Variants in CKM observed in about 807,000 individuals in gnomAD.
The protein encoded by CKM is creatine kinase, M-type, also known as creatine kinase M-type.
In CKM, 28 loss-of-function variants were observed where a neutral mutation model predicts 35.4. The ratio of observed to expected loss-of-function variants is 0.79; its 90% confidence interval spans 0.59 to 1.08. The LOEUF (loss-of-function observed/expected upper bound fraction) is 1.08. CKM is among the 50% of genes least tolerant of loss of function. The pLI, the probability that CKM is intolerant of heterozygous loss-of-function variation, is 0.00. For synonymous variants in CKM, 215 were observed against 204.4 expected, an observed-to-expected ratio of 1.05 and a Z score of -0.44; for missense variants, 484 against 509.8, an observed-to-expected ratio of 0.95 and a Z score of 0.49.
intron 4 of CKM, among the ~76,000 whole-genome samples, chr19:45,312,763 G>A (rs1273730622): frequency 1.3e-5 from 2 of 151,952 alleles, no homozygotes; most frequent in African/African-American, 4.8e-5. Context: ...AGACCAGCCT[G>A]GCCAACATGG....
chr19:45,318,996 A>AAGCCCTCATCACC (rs1170399441), intron 2 of CKM, among the ~76,000 whole-genome samples: 3 of 151,888 alleles, frequency 2.0e-5, no homozygotes, highest in African/African-American at 7.3e-5. Flanking sequence ...CTTGGACCAC[A>AAGCCCTCATCACC]AGCCCTCATC....
Position 45,319,680 on chromosome 19 carries a change from G to T in CKM, c.34C>A (p.Leu12Met), listed in dbSNP as rs373928921. ...PFGNTHNKFK[L>M]NYKPEEEYPD... ...TACTCCTCCTCAGGCTTGTAATTCA[G>T]CTTGAACTTGTTGTGGGTGTTACCG... The change falls in exon 2 of 8, where the codon CTG (leucine) becomes ATG (methionine). Residue 12 changes from leucine (L) to methionine (M), a missense_variant. Transcript: ENST00000221476. 1.2e-6 allele frequency: 2 copies of T among 1,614,220 alleles called. No individual in the cohort carries two copies. The highest frequency in any genetic ancestry group is 2.2e-5 in the East Asian group (1 of 44,890).
chr19:45,314,844 T>C (rs1422850888), intron 4 of CKM, among the ~76,000 whole-genome samples: 1 of 152,136 alleles, frequency 6.6e-6, no homozygotes, highest in Non-Finnish European at 1.5e-5. Flanking sequence ...CCTGAGTAGC[T>C]GGGATGACAG....
In CKM at chr19:45,307,454, G is replaced by A. The variant is rs1025271164; in HGVS notation, c.967+7C>T. ...CCGTCGTGGTGCAAAGGATGTGGGAGCCGTACCTGTACCCCTCTTCTGCAG... is the reference window on the plus strand; with the variant it reads ...CCGTCGTGGTGCAAAGGATGTGGGAACCGTACCTGTACCCCTCTTCTGCAG... On this transcript the variant is annotated splice_region_variant and intron_variant, in intron 7 of 7. Transcript: ENST00000221476. The A allele has an allele frequency of 6.2e-7, 1 of 1,613,432 alleles. No homozygotes were observed. Among genetic ancestry groups the A allele is most frequent in the Non-Finnish European group, 8.5e-7 (1 of 1,179,590 alleles).
chr19:45,319,480 C>G (rs768929031), intron 2 of CKM, 41 bp downstream of exon 2: 3 of 1,549,680 alleles, frequency 1.9e-6, no homozygotes, highest in Admixed American at 1.7e-5. Context: ...GCCTCCAGAG[C>G]CCCCATGTAG....
intron 5 of CKM, among the ~76,000 whole-genome samples, chr19:45,308,815 G>A (rs984742449): frequency 6.6e-6 from 1 of 152,192 alleles, no homozygotes; most frequent in Non-Finnish European, 1.5e-5. Flanking sequence ...ACAAACAGAA[G>A]CTTGGGATCA....
chr19:45,307,831 T>C (rs376059992), intron 6 of CKM, among the ~76,000 whole-genome samples, 181 bp from the exon 7 acceptor site: 1 of 149,182 alleles, frequency 6.7e-6, no homozygotes, highest in East Asian at 2.0e-4. Flanking sequence ...AGGCAGGATT[T>C]TGAGGGGCGG....
rs755569873 is a variant in CKM, at chr19:45,311,837, C to G, written c.565G>C (p.Asp189His). 1 of 1,613,404 alleles carries G rather than the reference C, an allele frequency of 6.2e-7. No homozygotes were observed. Among genetic ancestry groups the G allele is most frequent in the Non-Finnish European group, 8.5e-7 (1 of 1,179,836 alleles). The change falls in exon 5 of 8, where the codon GAT becomes CAT. Residue 189 changes from aspartate to histidine, a missense_variant. Coordinates refer to ENST00000221476, the MANE Select transcript of CKM (RefSeq NM_001824.5). ...MTEKEQQQLI[D>H]DHFLFDKPVS... ...GGCTTGTCGAACAGGAAGTGGTCAT[C>G]GATGAGCTGCTGCTGCTCCTTCTCC... is the stretch of plus-strand genomic sequence containing the variant.
chr19:45,319,820 T>C (rs1599820696), intron 1 of CKM, 89 bp from the exon 2 acceptor site: 1 of 1,115,588 alleles, frequency 9.0e-7, no homozygotes, highest in East Asian at 2.4e-5. Flanking sequence ...AGACGGAGTC[T>C]CGCTCTGTCA....
chr19:45,317,877 C>A lies in CKM; in HGVS notation c.296G>T (p.Gly99Val). ...CTTGTGCTTGTCAGTGGGTTTGTAG[C>A]CCCCGTGGCGATCCGAGATGATGGG... The part of the protein sequence containing the change: ...FDPIISDRHG[G>V]YKPTDKHKTD... Residue 99 changes from glycine (G) to valine (V), a missense_variant, in exon 3 of 8, where the codon GGC becomes GTC. Physicochemically the swap from Gly to Val is moderately radical, Grantham distance 109 (BLOSUM62 -3). Coordinates refer to ENST00000221476, the MANE Select transcript of CKM (RefSeq NM_001824.5). 6.2e-7 allele frequency: 1 copy of A among 1,614,008 alleles called. No individual in the cohort carries two copies. Among genetic ancestry groups the A allele is most frequent in the Non-Finnish European group, 8.5e-7 (1 of 1,180,012 alleles).
intron 7 of CKM, 101 bp downstream of exon 7, chr19:45,307,360 C>T (rs1266680635): frequency 5.3e-6 from 6 of 1,133,152 alleles, no homozygotes; most frequent in East Asian, 2.6e-5. Context: ...CAGCCCTTGC[C>T]GGATCCCCAG....
At chr19:45,316,554 G>A (rs1200913617) in intron 3 of CKM, among the ~76,000 whole-genome samples, 3 of 151,296 alleles carry the variant, frequency 2.0e-5, no homozygotes, top group African/African-American at 4.9e-5. Context: ...CTGGCTTCAC[G>A]TGATCCTCAC....
In CKM at chr19:45,306,681, G is replaced by A; in HGVS notation, c.*69C>T. The A allele has an allele frequency of 1.3e-6, 2 of 1,537,320 alleles. No homozygotes were observed. Among genetic ancestry groups the A allele is most frequent in the Non-Finnish European group, 1.8e-6 (2 of 1,114,264 alleles). On this transcript the variant is annotated 3_prime_UTR_variant, in exon 8 of 8. Coordinates refer to ENST00000221476, the MANE Select transcript of CKM (RefSeq NM_001824.5). The surrounding 1 kb of genome is among the most constrained non-coding windows in gnomAD (Gnocchi z 4.5). ...AGGGGGCGGGGCGAGGAGTGAGGGA[G>A]CAGGACTCTGGTGGGCCAGGCCCTC... is the stretch of plus-strand genomic sequence containing the variant.
intron 5 of CKM, among the ~76,000 whole-genome samples, chr19:45,309,504 T>C (rs1397199053): frequency 2.2e-5 from 3 of 137,898 alleles, no homozygotes; most frequent in African/African-American, 8.3e-5. Context: ...TGCAGCGAGC[T>C]ATGATCCCAC....
At chr19:45,314,830 G>C (rs1971141858) in intron 4 of CKM, among the ~76,000 whole-genome samples, 1 of 152,084 alleles carries the variant, frequency 6.6e-6, no homozygotes, top group African/African-American at 2.4e-5. Flanking sequence ...TCCCACCTCA[G>C]TCTCCTGAGT....
In CKM at chr19:45,319,585, C is replaced by T. The variant is rs750906793; in HGVS notation, c.129G>A (p.Arg43=). The T allele has an allele frequency of 6.2e-7, 1 of 1,614,058 alleles. No homozygotes were observed. The highest frequency in any genetic ancestry group is 1.3e-5 in the African/African-American group (1 of 74,986). ...TGAAGCCAGATGGAGTCTCCTTGTC[C>T]CGCAGCTTCTTGTAGAGTTCAAGGG... ...VLTLELYKKL[R]DKETPSGFTV... The change falls in exon 2 of 8, where the codon CGG becomes CGA. Residue 43 remains arginine, a synonymous_variant. Coordinates refer to ENST00000221476, the MANE Select transcript of CKM (RefSeq NM_001824.5).
Position 45,308,414 on chromosome 19 carries a change from G to T in CKM, c.772C>A (p.Gln258Lys), listed in dbSNP as rs1396331366. Residue 258 changes from glutamine (Q) to lysine (K), a missense_variant, in exon 6 of 8, where the codon CAG becomes AAG. Physicochemically the swap from Gln to Lys is moderately conservative, Grantham distance 53 (BLOSUM62 1). Coordinates refer to ENST00000221476, the MANE Select transcript of CKM (RefSeq NM_001824.5). ...AGCTAAGGGCAGACACCCACCTTCT[G>T]CAGCCCTACGCAGAAGCGGCGGAAA... ...EVFRRFCVGL[Q>K]KIEEIFKKAG... 1.2e-6 allele frequency: 2 copies of T among 1,614,066 alleles called. No homozygotes were observed. Among genetic ancestry groups the T allele is most frequent in the Non-Finnish European group, 1.7e-6 (2 of 1,180,016 alleles).
chr19:45,306,520 T>C lies in CKM; in HGVS notation c.*230A>G. 3.5e-6 allele frequency: 2 copies of C among 576,306 alleles called. No individual in the cohort carries two copies. The highest frequency in any genetic ancestry group is 2.9e-5 in the East Asian group (1 of 34,732). The allele number at this position is 576,306 out of a possible 1,614,324, so 35.7% of individuals were successfully genotyped here. ...AGAGCTCCTGGTTGGGGTGGAGCTCTGGGAAAAGAAGAGGACCCTGCCAGG... is the reference window on the plus strand; with the variant it reads ...AGAGCTCCTGGTTGGGGTGGAGCTCCGGGAAAAGAAGAGGACCCTGCCAGG... On this transcript the variant is annotated 3_prime_UTR_variant, in exon 8 of 8. Coordinates refer to ENST00000221476, the MANE Select transcript of CKM (RefSeq NM_001824.5). The surrounding 1 kb of genome is among the most constrained non-coding windows in gnomAD (Gnocchi z 4.5).
chr19:45,308,327 T>C, intron 6 of CKM, 82 bp downstream of exon 6: 1 of 1,552,516 alleles, frequency 6.4e-7, no homozygotes, highest in African/African-American at 1.4e-5. Flanking sequence ...GGGCTTAGTA[T>C]AGGGGAAGGG....
Sources: allele counts gnomAD v4.1 joint callset (sites outside exome capture counted in the v4.1 genomes callset), GRCh38; gene constraint gnomAD v4.1.1; non-coding constraint Gnocchi (gnomAD v3.1); transcripts MANE v1.5; gene names NCBI Gene and HGNC (gene_info 2026-07-23, HGNC 2026-07-21).